Variants in RUNX1 observed in about 807,000 individuals in gnomAD.
The protein encoded by RUNX1 is RUNX family transcription factor 1.
Under a neutral mutation model 42.8 loss-of-function variants are expected in RUNX1, and 19 were observed. The observed-to-expected ratio is 0.44, with a 90% CI of 0.31 to 0.65. The LOEUF is 0.65. Ranked by LOEUF, RUNX1 falls within the 30% of genes least tolerant of loss-of-function variation. The pLI is 0.07. For synonymous variants in RUNX1, 271 were observed against 289.4 expected (o/e 0.94, Z 0.64); for missense variants, 528 against 672.0 (o/e 0.79, Z 2.37).
intron 2 of RUNX1, among the ~76,000 whole-genome samples, chr21:34,968,301 G>C (rs2058735696): frequency 6.6e-6 from 1 of 152,174 alleles, no homozygotes; most frequent in African/African-American, 2.4e-5. Context: ...GATCATCAGA[G>C]AGGATGCTAG....
intron 6 of RUNX1, among the ~76,000 whole-genome samples, chr21:34,850,312 G>A (rs1232353808): frequency 6.6e-5 from 10 of 152,160 alleles, no homozygotes; most frequent in African/African-American, 2.2e-4. Context: ...GGCAGCAGGC[G>A]GAGCTGCCTT....
At chr21:34,921,113 C>T (rs374447617) in intron 2 of RUNX1, among the ~76,000 whole-genome samples, 362 of 152,252 alleles carry the variant, frequency 2.4e-3, no homozygotes, top group African/African-American at 8.2e-3. Context: ...CCTGCCTGGG[C>T]CTCTCAAAGT....
In RUNX1 at chr21:34,851,505, GAA is replaced by G. The variant is rs2057418090; in HGVS notation, c.613+7967_613+7968del. ...CCCACTGGCCTGGTGGCACCAGTGT[GAA>G]AACCCAGGTCCCTAAATTCAGGATC... On this transcript the variant is annotated intron_variant, in intron 6 of 8. Coordinates refer to ENST00000675419, the MANE Select transcript of RUNX1 (RefSeq NM_001754.5). Among the ~76,000 whole-genome samples the G allele has an allele frequency of 6.6e-5, 10 of 152,200 alleles. No individual in the cohort carries two copies. The South Asian group carries it at 2.1e-3, about 31-fold the overall frequency.
chr21:35,022,951 CTT>C (rs925552132), intron 2 of RUNX1, among the ~76,000 whole-genome samples: 1 of 140,512 alleles, frequency 7.1e-6, no homozygotes, highest in Non-Finnish European at 1.6e-5. Context: ...TGATTTTGAC[CTT>C]TTTTTTTTTG....
At chr21:34,961,102 G>A (rs564565227) in intron 2 of RUNX1, among the ~76,000 whole-genome samples, 69 of 152,228 alleles carry the variant, frequency 4.5e-4, no homozygotes, top group Middle Eastern at 3.4e-3. Context: ...ATGGCTGGGC[G>A]TGGTGGCTCA....
At position 34,789,205 on chromosome 21, in the gene RUNX1, C is replaced by T. The variant is rs1289298741; in HGVS notation, c.*2930G>A. ...TTTATGTGAAGGGGGAAGAACTGGA[C>T]CTTCTTGTGTTCTGAAATTTGGTAC... is the stretch of plus-strand genomic sequence containing the variant. On this transcript the variant is annotated 3_prime_UTR_variant, in exon 9 of 9. Transcript: ENST00000675419. The T allele has an allele frequency of 4.3e-6, 1 of 233,148 alleles. No homozygotes were observed. The highest frequency in any genetic ancestry group is 8.5e-6 in the Non-Finnish European group (1 of 118,178). 14.4% of individuals were successfully genotyped at this position (233,148 alleles called of 1,614,324 possible).
chr21:34,956,216 G>A (rs2058642878), intron 2 of RUNX1, among the ~76,000 whole-genome samples: 1 of 152,112 alleles, frequency 6.6e-6, no homozygotes, highest in Non-Finnish European at 1.5e-5. Context: ...GGCAGACAGC[G>A]TCATGCCCAG....
At chr21:35,014,490 A>C (rs1016849040) in intron 2 of RUNX1, among the ~76,000 whole-genome samples, 1 of 152,188 alleles carries the variant, frequency 6.6e-6, no homozygotes, top group Non-Finnish European at 1.5e-5. Context: ...CAGTTTCCAC[A>C]TATACGGAAA....
At chr21:34,859,613 G>A (rs759272545) in intron 5 of RUNX1, 35 bp from the exon 6 acceptor site, 2 of 1,511,466 alleles carry the variant, frequency 1.3e-6, no homozygotes, top group Admixed American at 3.3e-5. Flanking sequence ...AACAGAATGA[G>A]GTTGGTGGCC....
intron 5 of RUNX1, among the ~76,000 whole-genome samples, chr21:34,867,816 C>T (rs2057684008): frequency 5.3e-5 from 8 of 152,206 alleles, no homozygotes. Context: ...ACCAAGGCCA[C>T]ACCTGCTGCC....
intron 6 of RUNX1, among the ~76,000 whole-genome samples, chr21:34,838,890 C>T (rs1243928529): frequency 2.0e-5 from 3 of 151,446 alleles, no homozygotes; most frequent in Non-Finnish European, 2.9e-5. Context: ...ATATTATTTA[C>T]CATACCACAT....
At chr21:34,856,360 GTCT>G (rs2057494953) in intron 6 of RUNX1, 1 of 519,004 alleles carries the variant, frequency 1.9e-6, no homozygotes. Flanking sequence ...ATAATAGACA[GTCT>G]TCGAGATGAG....
intron 7 of RUNX1, among the ~76,000 whole-genome samples, chr21:34,811,719 T>G (rs1232610716): frequency 1.3e-5 from 2 of 152,186 alleles, no homozygotes. Context: ...GTATATTTTC[T>G]TCACACTAGG....
chr21:34,812,285 T>C (rs1048956377), intron 7 of RUNX1, among the ~76,000 whole-genome samples: 4 of 152,224 alleles, frequency 2.6e-5, no homozygotes, highest in African/African-American at 9.6e-5. Context: ...GGGAATTTGT[T>C]CACTTAAGTT....
intron 2 of RUNX1, among the ~76,000 whole-genome samples, chr21:34,902,179 C>A (rs1169265255): frequency 2.0e-5 from 3 of 152,206 alleles, no homozygotes; most frequent in Non-Finnish European, 2.9e-5. Flanking sequence ...ATAATTTACT[C>A]TTTCACTAGG....
intron 7 of RUNX1, among the ~76,000 whole-genome samples, chr21:34,805,491 C>A (rs1054585198): frequency 6.6e-6 from 1 of 152,172 alleles, no homozygotes. Flanking sequence ...AAAGCCAACA[C>A]CTTATCCATA....
chr21:34,866,283 G>A (rs935258464), intron 5 of RUNX1, among the ~76,000 whole-genome samples: 1 of 152,160 alleles, frequency 6.6e-6, no homozygotes, highest in African/African-American at 2.4e-5. Context: ...GTCTTGAAAC[G>A]CCCAAAGAGT....
chr21:34,949,354 A>G (rs2058589520), intron 2 of RUNX1, among the ~76,000 whole-genome samples: 1 of 152,258 alleles, frequency 6.6e-6, no homozygotes, highest in Non-Finnish European at 1.5e-5. Context: ...TGTCTTATTG[A>G]ATAGACGCTC....
At chr21:35,028,396 G>C (rs974159667) in intron 2 of RUNX1, among the ~76,000 whole-genome samples, 16 of 152,172 alleles carry the variant, frequency 1.1e-4, no homozygotes, top group Non-Finnish European at 2.4e-4. Flanking sequence ...CAATTTTGCT[G>C]TTCACAGGCG....
Sources: gnomAD v4.1 joint callset for allele counts (sites outside exome capture counted in the v4.1 genomes callset) on GRCh38, gnomAD v4.1.1 for gene constraint, MANE v1.5 for transcripts, NCBI Gene and HGNC (gene_info 2026-07-23, HGNC 2026-07-21) for gene names.